The following NCAM1 variants were observed in gnomAD, a reference collection of about 807,000 sequenced individuals.
NCAM1 encodes neural cell adhesion molecule 1, also known as antigen recognized by monoclonal antibody 5.1H11.
A neutral mutation model predicts 109.8 loss-of-function variants in NCAM1; 14 were observed. The observed-to-expected ratio is 0.13, with a 90% CI of 0.08 to 0.20. The LOEUF (loss-of-function observed/expected upper bound fraction) is 0.20. Among genes scored for constraint, NCAM1 ranks in the 10% least tolerant of loss-of-function variants. NCAM1 has a pLI of 1.00. For missense variants in NCAM1, 774 were observed against 1,109.9 expected (o/e 0.70, Z 4.30); for synonymous variants, 418 against 442.9 (o/e 0.94, Z 0.70).
rs1555117750 is a variant in NCAM1 at position 113,233,672 on chromosome 11, G to A, written c.1693+355G>A. On this transcript the variant is annotated intron_variant, in intron 13 of 19. Coordinates refer to ENST00000316851, the MANE Select transcript of NCAM1 (RefSeq NM_181351.5). This position sits in a 1 kb window ranked among gnomAD's most constrained non-coding sequence, Gnocchi z 4.5. ...TCTGCACGTTTGAGTTACCTGTGCTGCAGGTTCTCTGCCGACACCCGGCCA... is the reference window on the plus strand; with the variant it reads ...TCTGCACGTTTGAGTTACCTGTGCTACAGGTTCTCTGCCGACACCCGGCCA... Among the ~76,000 whole-genome samples the A allele has an allele frequency of 6.6e-6, 1 of 152,200 alleles. No homozygotes were observed. The highest frequency in any genetic ancestry group is 6.5e-5 in the Admixed American group (1 of 15,282).
rs921232093 is a variant in NCAM1, at chr11:113,064,499, T to A, written c.52+102835T>A. On this transcript the variant is annotated intron_variant, in intron 1 of 19. Transcript: ENST00000316851. ...ATATACCTTTTCTTCTTGAAATTAT[T>A]TTTCCTTAAACTATATTTTTTTTAT... Among the ~76,000 whole-genome samples the A allele has an allele frequency of 2.0e-5, 3 of 152,254 alleles. No homozygotes were observed. In the East Asian group the frequency reaches 5.8e-4, roughly 29 times the overall value.
chr11:112,964,287 C>T (rs191776096), intron 1 of NCAM1, among the ~76,000 whole-genome samples: 170 of 151,700 alleles, frequency 1.1e-3, no homozygotes, highest in African/African-American at 3.9e-3. Context: ...CGATGGGCTG[C>T]CCCTCTCCTC....
intron 1 of NCAM1, among the ~76,000 whole-genome samples, chr11:113,095,487 C>T (rs1397434021): frequency 1.3e-5 from 2 of 152,202 alleles, no homozygotes; most frequent in Non-Finnish European, 2.9e-5. Context: ...TTAACGCAGG[C>T]AGCCCATATT....
intron 7 of NCAM1, among the ~76,000 whole-genome samples, chr11:113,213,579 C>T (rs1944448573): frequency 6.6e-6 from 1 of 152,162 alleles, no homozygotes; most frequent in Admixed American, 6.5e-5. Flanking sequence ...TCCAAGTCAC[C>T]TGGACTCCTT....
At chr11:113,073,413 AT>A in intron 1 of NCAM1, among the ~76,000 whole-genome samples, 1 of 152,214 alleles carries the variant, frequency 6.6e-6, no homozygotes. Flanking sequence ...TATCTTTGAA[AT>A]TTAGTTTAGG....
chr11:113,091,182 C>A (rs879952735), intron 1 of NCAM1, among the ~76,000 whole-genome samples: 1 of 152,120 alleles, frequency 6.6e-6, no homozygotes, highest in Non-Finnish European at 1.5e-5. Flanking sequence ...TATAAGCCAA[C>A]TGCTTCTCAA....
chr11:113,105,616 C>T (rs368802899), intron 1 of NCAM1, among the ~76,000 whole-genome samples: 6 of 152,282 alleles, frequency 3.9e-5, no homozygotes, highest in Admixed American at 1.3e-4. Context: ...TATCTTGCTA[C>T]ATGGATAAAT....
intron 1 of NCAM1, among the ~76,000 whole-genome samples, chr11:113,009,193 C>T (rs1951967674): frequency 6.6e-6 from 1 of 151,788 alleles, no homozygotes; most frequent in Non-Finnish European, 1.5e-5. Context: ...TGTAGGACCA[C>T]GTCGGTAGAA....
chr11:113,253,231 G>A (rs1945741229), intron 15 of NCAM1, among the ~76,000 whole-genome samples: 1 of 152,014 alleles, frequency 6.6e-6, no homozygotes, highest in Admixed American at 6.6e-5. Flanking sequence ...AGAGACTTGG[G>A]GGTCTCTTTT....
intron 15 of NCAM1, among the ~76,000 whole-genome samples, chr11:113,248,495 G>T (rs1565528409): frequency 6.6e-6 from 1 of 152,078 alleles, no homozygotes; most frequent in Non-Finnish European, 1.5e-5. Context: ...CCTCTCCCTG[G>T]GTATTAGCAA....
chr11:113,005,959 T>C (rs1324142664), intron 1 of NCAM1, among the ~76,000 whole-genome samples: 1 of 152,114 alleles, frequency 6.6e-6, no homozygotes, highest in African/African-American at 2.4e-5. Context: ...CAATTTTCTC[T>C]AAACATATGA....
intron 1 of NCAM1, among the ~76,000 whole-genome samples, chr11:113,160,554 G>A (rs1400668605): frequency 2.0e-5 from 3 of 152,184 alleles, no homozygotes; most frequent in Non-Finnish European, 2.9e-5. Flanking sequence ...AGAAACTCCA[G>A]AGCATTTCTT....
At chr11:113,237,601 C>A (rs1259304721) in intron 14 of NCAM1, among the ~76,000 whole-genome samples, 1 of 152,216 alleles carries the variant, frequency 6.6e-6, no homozygotes, top group African/African-American at 2.4e-5. Context: ...ATGAGGGAAC[C>A]TTCCTTCTGG....
chr11:113,183,910 T>A (rs1943407822), intron 1 of NCAM1, among the ~76,000 whole-genome samples: 1 of 152,214 alleles, frequency 6.6e-6, no homozygotes, highest in South Asian at 2.1e-4. Flanking sequence ...TATAGGAAAA[T>A]GTCCTTATAT....
At chr11:113,157,136 G>GACACACACACACACACACAC (rs112454729) in intron 1 of NCAM1, among the ~76,000 whole-genome samples, 175 of 146,972 alleles carry the variant, frequency 1.2e-3, no homozygotes, top group African/African-American at 4.1e-3. Flanking sequence ...GTTTCCCTGA[G>GACACACACACACACACACAC]ACACACACAC....
chr11:113,258,179 C>G (rs1945880145), intron 16 of NCAM1, among the ~76,000 whole-genome samples: 1 of 152,230 alleles, frequency 6.6e-6, no homozygotes, highest in East Asian at 1.9e-4. Context: ...TTCTTGTGTG[C>G]CCAGCAGATA....
chr11:113,153,407 G>C (rs1942299136), intron 1 of NCAM1, among the ~76,000 whole-genome samples: 1 of 151,784 alleles, frequency 6.6e-6, no homozygotes, highest in South Asian at 2.1e-4. Context: ...ACAGAAAGTT[G>C]TTACTGGGAT....
chr11:112,964,148 T>G (rs1414227499), intron 1 of NCAM1, among the ~76,000 whole-genome samples: 4 of 1,756 alleles, frequency 2.3e-3, no homozygotes, highest in Non-Finnish European at 3.6e-3. Context: ...TTGTTTTTTT[T>G]TTTTTTGTTT....
intron 15 of NCAM1, among the ~76,000 whole-genome samples, chr11:113,248,606 T>G (rs1243547599): frequency 6.6e-6 from 1 of 152,088 alleles, no homozygotes; most frequent in Non-Finnish European, 1.5e-5. Flanking sequence ...CAACAACTGG[T>G]GACATCTGAT....
Sources: gnomAD v4.1 joint callset for allele counts (sites outside exome capture counted in the v4.1 genomes callset) on GRCh38, gnomAD v4.1.1 for gene constraint, Gnocchi (gnomAD v3.1) non-coding constraint, MANE v1.5 for transcripts, NCBI Gene and HGNC (gene_info 2026-07-23, HGNC 2026-07-21) for gene names.